SPATA16: variants seen among roughly 807,000 people sequenced by gnomAD.
SPATA16 encodes spermatogenesis-associated protein 16.
A neutral mutation model predicts 63.3 loss-of-function variants in SPATA16; 36 were observed. That is an observed-to-expected ratio of 0.57 (90% confidence interval 0.44 to 0.75). SPATA16 has a LOEUF of 0.75. Among genes scored for constraint, SPATA16 ranks in the 30% least tolerant of loss-of-function variants. SPATA16 has a pLI of 0.00. For synonymous variants in SPATA16, 203 were observed against 216.7 expected, an observed-to-expected ratio of 0.94 and a Z score of 0.56; for missense variants, 646 against 679.3, an observed-to-expected ratio of 0.95 and a Z score of 0.54.
intron 8 of SPATA16, among the ~76,000 whole-genome samples, chr3:172,922,668 C>T (rs759600245): frequency 3.3e-5 from 5 of 152,184 alleles, no homozygotes; most frequent in Non-Finnish European, 7.4e-5. Flanking sequence ...TGCCTGTAAT[C>T]TCAGCACTTT....
At chr3:173,131,225 G>T (rs552469882) in intron 1 of SPATA16, among the ~76,000 whole-genome samples, 6 of 152,214 alleles carry the variant, frequency 3.9e-5, no homozygotes, top group African/African-American at 1.4e-4. Flanking sequence ...TTAACAAATG[G>T]AACCTAACAA....
At chr3:172,973,016 A>G (rs1292313802) in intron 5 of SPATA16, among the ~76,000 whole-genome samples, 2 of 152,208 alleles carry the variant, frequency 1.3e-5, no homozygotes, top group Non-Finnish European at 2.9e-5. Context: ...ATTGTGTAGT[A>G]TTGGAGCTCT....
At chr3:173,083,689 T>A (rs1736977260) in intron 2 of SPATA16, among the ~76,000 whole-genome samples, 1 of 152,166 alleles carries the variant, frequency 6.6e-6, no homozygotes, top group South Asian at 2.1e-4. Flanking sequence ...CTTCCCTGTG[T>A]TTATGTGTTC....
chr3:172,965,803 C>G (rs1349413347), intron 5 of SPATA16, among the ~76,000 whole-genome samples: 3 of 152,104 alleles, frequency 2.0e-5, no homozygotes, highest in Admixed American at 1.3e-4. Flanking sequence ...GTCTCGATCT[C>G]TTGACCTTGT....
Position 172,956,750 on chromosome 3 carries a change from T to A in SPATA16, c.1008A>T (p.Arg336Ser). Residue 336 changes from arginine (R) to serine (S), a missense_variant, in exon 6 of 11, where the codon AGA becomes AGT. Arg to Ser is a moderately radical substitution (Grantham distance 110). Transcript: ENST00000351008. ...VMYTPFATKI[R>S]ADKIEKVKDA... ...CTTTTACTTTTTCTATTTTATCAGC[T>A]CTTATTTTTGTCGCAAATGGTGTGT... The A allele has an allele frequency of 6.2e-7, 1 of 1,613,424 alleles. No homozygotes were observed. Among genetic ancestry groups the A allele is most frequent in the Non-Finnish European group, 8.5e-7 (1 of 1,179,590 alleles).
At chr3:173,036,337 C>T (rs1735715107) in intron 3 of SPATA16, among the ~76,000 whole-genome samples, 1 of 151,972 alleles carries the variant, frequency 6.6e-6, no homozygotes, top group Non-Finnish European at 1.5e-5. Context: ...TTATATCTGT[C>T]ACTGCGAGCT....
chr3:172,964,930 G>A (rs1311297266), intron 5 of SPATA16, among the ~76,000 whole-genome samples: 1 of 152,148 alleles, frequency 6.6e-6, no homozygotes, highest in African/African-American at 2.4e-5. Flanking sequence ...ATTTGAGGAC[G>A]TTTCATCTGG....
intron 1 of SPATA16, among the ~76,000 whole-genome samples, chr3:173,120,050 G>A (rs1050138372): frequency 6.6e-6 from 1 of 150,458 alleles, no homozygotes; most frequent in Non-Finnish European, 1.5e-5. Flanking sequence ...TCGTGTCATT[G>A]CACTCCAGCC....
chr3:173,015,821 T>A (rs1397556818), intron 4 of SPATA16, among the ~76,000 whole-genome samples: 2 of 151,940 alleles, frequency 1.3e-5, no homozygotes, highest in African/African-American at 4.8e-5. Context: ...TGATTTTATG[T>A]CTTTGAATAT....
Position 172,976,933 on chromosome 3 carries a change from G to C in SPATA16, c.933+35C>G, listed in dbSNP as rs1455551337. The C allele has an allele frequency of 2.6e-6, 4 of 1,560,042 alleles. No homozygotes were observed. The South Asian group carries it at 4.4e-5, about 17-fold the overall frequency. On this transcript the variant is annotated intron_variant, in intron 5 of 10. Coordinates refer to ENST00000351008, the MANE Select transcript of SPATA16 (RefSeq NM_031955.6). ...TCATTTTGGCTCTAAAAATGAGATG[G>C]GTTTCTCCTCCCTAGTTGGGACATC...
intron 2 of SPATA16, among the ~76,000 whole-genome samples, chr3:173,112,887 T>C (rs1737784237): frequency 6.6e-6 from 1 of 152,214 alleles, no homozygotes; most frequent in Non-Finnish European, 1.5e-5. Flanking sequence ...TTTGTTCTAA[T>C]TCAGAAGGTG....
chr3:172,963,418 G>A (rs956213572), intron 5 of SPATA16, among the ~76,000 whole-genome samples: 9 of 151,730 alleles, frequency 5.9e-5, no homozygotes, highest in African/African-American at 1.9e-4. Context: ...TCTGTACTTT[G>A]CAACCCTTTC....
intron 2 of SPATA16, among the ~76,000 whole-genome samples, chr3:173,085,699 A>C (rs908524270): frequency 1.3e-5 from 2 of 152,142 alleles, no homozygotes; most frequent in Non-Finnish European, 2.9e-5. Context: ...TTGAACACCT[A>C]GTTTATTGAG....
intron 6 of SPATA16, among the ~76,000 whole-genome samples, chr3:172,936,910 C>T (rs914389987): frequency 2.6e-5 from 4 of 151,976 alleles, no homozygotes; most frequent in Admixed American, 1.3e-4. Context: ...AGGGTTTCAC[C>T]ATACTGGCCA....
At chr3:172,924,769 T>C (rs1732690263) in intron 7 of SPATA16, among the ~76,000 whole-genome samples, 1 of 152,204 alleles carries the variant, frequency 6.6e-6, no homozygotes, top group South Asian at 2.1e-4. Flanking sequence ...TACTTAATTA[T>C]GTGGTTAGAG....
intron 4 of SPATA16, among the ~76,000 whole-genome samples, chr3:173,010,628 C>G (rs1378138865): frequency 1.3e-5 from 2 of 152,144 alleles, no homozygotes; most frequent in Admixed American, 1.3e-4. Context: ...GCCCTGCAGA[C>G]AGACAGCCAG....
chr3:172,943,188 G>C (rs567133845), intron 6 of SPATA16, among the ~76,000 whole-genome samples: 3 of 152,052 alleles, frequency 2.0e-5, no homozygotes, highest in Admixed American at 1.3e-4. Context: ...GGAGTTAAAC[G>C]TAAGAAAAAG....
chr3:172,905,354 C>T (rs941124383), intron 10 of SPATA16, among the ~76,000 whole-genome samples: 2 of 152,136 alleles, frequency 1.3e-5, no homozygotes, highest in Admixed American at 1.3e-4. Flanking sequence ...GAAGTACTAA[C>T]CCAGCCACAT....
chr3:173,112,428 C>T (rs1426143632), intron 2 of SPATA16, among the ~76,000 whole-genome samples: 1 of 152,190 alleles, frequency 6.6e-6, no homozygotes, highest in Non-Finnish European at 1.5e-5. Context: ...AACCAACTCA[C>T]ACTTAGAGTA....
Sources: allele counts gnomAD v4.1 joint callset (sites outside exome capture counted in the v4.1 genomes callset), GRCh38; gene constraint gnomAD v4.1.1; transcripts MANE v1.5; gene names NCBI Gene and HGNC (gene_info 2026-07-23, HGNC 2026-07-21).